Variants in EMC1 observed in about 807,000 individuals in gnomAD.
EMC1 encodes the protein KIAA0090.
A neutral mutation model predicts 128.8 loss-of-function variants in EMC1; 103 were observed. The observed-to-expected ratio is 0.80, with a 90% CI of 0.68 to 0.94. EMC1 has a LOEUF of 0.94. Ranked by LOEUF, EMC1 falls within the 40% of genes least tolerant of loss-of-function variation. The pLI is 0.00. For synonymous variants in EMC1, 442 were observed against 490.4 expected, an observed-to-expected ratio of 0.90 and a Z score of 1.30; for missense variants, 1,083 against 1,250.6, an observed-to-expected ratio of 0.87 and a Z score of 2.02.
At position 19,241,054 on chromosome 1, in the gene EMC1, C is replaced by A; in HGVS notation, c.598G>T (p.Val200Phe). Reference sequence around the variant, plus strand: ...TCTCCATCTTCCACATTAAACTTGACAATGTTCACATGGCTGAAGGGAACA... The same window carrying A: ...TCTCCATCTTCCACATTAAACTTGAAAATGTTCACATGGCTGAAGGGAACA... ...GVVPFSHVNI[V>F]KFNVEDGEIV... Residue 200 changes from valine (V) to phenylalanine (F), a missense_variant, in exon 6 of 23, where the codon GTC becomes TTC. Coordinates refer to ENST00000477853, the MANE Select transcript of EMC1 (RefSeq NM_015047.3). 1.2e-6 allele frequency: 2 copies of A among 1,614,202 alleles called. No individual in the cohort carries two copies.
At chr1:19,229,879 C>A (rs1227171862) in intron 17 of EMC1, among the ~76,000 whole-genome samples, 2 of 152,174 alleles carry the variant, frequency 1.3e-5, no homozygotes, top group African/African-American at 4.8e-5. Context: ...CCCAAGGTCA[C>A]AAAGTTAGTA....
chr1:19,224,090 C>G (rs2093452960), intron 18 of EMC1, among the ~76,000 whole-genome samples: 1 of 152,190 alleles, frequency 6.6e-6, no homozygotes, highest in African/African-American at 2.4e-5. Flanking sequence ...CCAGAACATC[C>G]CTGCCCAGCA....
At chr1:19,231,093 T>C (rs1485074918) in intron 16 of EMC1, 130 bp from the exon 17 acceptor site, 11 of 1,367,082 alleles carry the variant, frequency 8.0e-6, no homozygotes, top group Non-Finnish European at 4.0e-6. Context: ...GTTAAGAACC[T>C]GAGTTTTCAC....
At chr1:19,229,768 C>T (rs982146712) in intron 17 of EMC1, among the ~76,000 whole-genome samples, 2 of 152,178 alleles carry the variant, frequency 1.3e-5, no homozygotes, top group Non-Finnish European at 2.9e-5. Flanking sequence ...TTACCATGTG[C>T]CAGGCAGTTT....
At chr1:19,236,632 C>T (rs867560990) in intron 12 of EMC1, among the ~76,000 whole-genome samples, 2 of 132,446 alleles carry the variant, frequency 1.5e-5, no homozygotes, top group Admixed American at 1.7e-4. Flanking sequence ...CTCCAGCAGT[C>T]TGAGCAACAA....
Position 19,223,050 on chromosome 1 carries a change from A to T in EMC1, c.2377-216T>A. 1.0e-5 allele frequency: 6 copies of T among 574,898 alleles called. No homozygotes were observed. The South Asian group carries it at 1.4e-4, about 13-fold the overall frequency. The allele number at this position is 574,898 out of a possible 1,614,324, so 35.6% of individuals were successfully genotyped here. The stretch of plus-strand genomic sequence containing the variant: ...CACCACAAAACAAAGGAAATTCTCA[A>T]GAGTCTTAGAAGCCATAATAGTAGC... On this transcript the variant is annotated intron_variant, in intron 19 of 22. Transcript: ENST00000477853.
chr1:19,240,082 A>C, intron 7 of EMC1, 97 bp from the exon 8 acceptor site: 1 of 1,343,556 alleles, frequency 7.4e-7, no homozygotes, highest in Non-Finnish European at 1.0e-6. Context: ...CGGGGGAAGT[A>C]ACTGGGCCAT....
intron 17 of EMC1, among the ~76,000 whole-genome samples, chr1:19,230,430 C>T (rs1571995112): frequency 1.3e-5 from 2 of 152,130 alleles, no homozygotes; most frequent in Admixed American, 6.6e-5. Context: ...ATTAGCCGGG[C>T]GCGGTGGCGC....
chr1:19,235,084 C>T, intron 13 of EMC1, 46 bp downstream of exon 13: 1 of 1,600,262 alleles, frequency 6.2e-7, no homozygotes, highest in Non-Finnish European at 8.5e-7. Context: ...CATTTCCAGA[C>T]TGGCCCCTCC....
intron 21 of EMC1, 27 bp from the exon 22 acceptor site, chr1:19,219,725 G>T: frequency 6.2e-7 from 1 of 1,613,902 alleles, no homozygotes; most frequent in Non-Finnish European, 8.5e-7. Flanking sequence ...GGGACAGGCA[G>T]TCTGAGCACT....
intron 7 of EMC1, 28 bp from the exon 8 acceptor site, chr1:19,240,013 G>A: frequency 6.3e-7 from 1 of 1,595,612 alleles, no homozygotes; most frequent in South Asian, 1.1e-5. Flanking sequence ...GGAGGATTAT[G>A]GCTAACAGCT....
intron 19 of EMC1, 85 bp from the exon 20 acceptor site, chr1:19,222,919 T>C: frequency 1.0e-6 from 1 of 961,158 alleles, no homozygotes; most frequent in Non-Finnish European, 1.6e-6. Flanking sequence ...CCCCTCTAAT[T>C]AGCTACAGAT....
intron 11 of EMC1, 147 bp from the exon 12 acceptor site, chr1:19,237,385 G>A (rs1221465122): frequency 1.5e-6 from 1 of 684,700 alleles, no homozygotes; most frequent in Admixed American, 2.2e-5. Context: ...TTATCTGGAT[G>A]CCAGTAAGTG....
At position 19,240,409 on chromosome 1, in the gene EMC1, C is replaced by T; in HGVS notation, c.674G>A (p.Gly225Glu). 2 of 1,614,162 alleles carry T rather than the reference C, an allele frequency of 1.2e-6. No individual in the cohort carries two copies. The highest frequency in any genetic ancestry group is 2.2e-5 in the South Asian group (2 of 91,088). Residue 225 changes from glycine to glutamate, a missense_variant, in exon 7 of 23, where the codon GGA (glycine) becomes GAA (glutamate). By Grantham distance (98) the Gly-to-Glu change is moderately conservative. Transcript: ENST00000477853. ...AGCCTCATCCACCACACCACAGGCT[C>T]CAGACAGGTGCTGCAGCCACGGAGT... is the stretch of plus-strand genomic sequence containing the variant. ...VSTPWLQHLS[G>E]ACGVVDEAVL... is the part of the protein sequence containing the mutation.
Position 19,233,023 on chromosome 1 carries a change from C to G in EMC1, c.1545G>C (p.Gln515His). The G allele has an allele frequency of 1.9e-6, 3 of 1,614,202 alleles. No homozygotes were observed. Among genetic ancestry groups the G allele is most frequent in the Non-Finnish European group, 2.5e-6 (3 of 1,180,038 alleles). Reference sequence around the variant, plus strand: ...TGTCAATGTTGATCTCATTCTTAATCTGACTCCGGGGCTTCCGAGCATCAT... The same window carrying G: ...TGTCAATGTTGATCTCATTCTTAATGTGACTCCGGGGCTTCCGAGCATCAT... The part of the protein sequence containing the change: ...MFYDARKPRS[Q>H]IKNEINIDTL... Residue 515 changes from glutamine (Q) to histidine (H), a missense_variant, in exon 14 of 23, where the codon CAG (glutamine) becomes CAC (histidine). Physicochemically the swap from Gln to His is conservative, Grantham distance 24. Around this residue, in one of 3 missense-constraint regions of EMC1, gnomAD observed 527 missense variants for 644.1 expected, o/e 0.82. Transcript: ENST00000477853.
At chr1:19,227,017 ACT>A (rs2093479807) in intron 18 of EMC1, among the ~76,000 whole-genome samples, 1 of 152,044 alleles carries the variant, frequency 6.6e-6, no homozygotes, top group Middle Eastern at 3.4e-3. Context: ...ACAGAGCAAG[ACT>A]CTGTCACAGG....
intron 4 of EMC1, among the ~76,000 whole-genome samples, chr1:19,243,150 G>A (rs2093615924): frequency 6.6e-6 from 1 of 152,132 alleles, no homozygotes; most frequent in African/African-American, 2.4e-5. Context: ...CACGAGAACT[G>A]CTTGAACCTG....
At chr1:19,229,863 C>A (rs1207274974) in intron 17 of EMC1, among the ~76,000 whole-genome samples, 1 of 152,160 alleles carries the variant, frequency 6.6e-6, no homozygotes, top group East Asian at 1.9e-4. Context: ...AAACAGAAGA[C>A]CAGAGCCCAA....
At chr1:19,223,270 G>T (rs1225073995) in intron 19 of EMC1, 126 bp downstream of exon 19, 8 of 864,478 alleles carry the variant, frequency 9.3e-6, no homozygotes, top group Admixed American at 2.2e-5. Context: ...TAACCGGCAC[G>T]CTTTGCTGCC....
Sources: allele counts gnomAD v4.1 joint callset (sites outside exome capture counted in the v4.1 genomes callset), GRCh38; gene constraint gnomAD v4.1.1; regional missense constraint gnomAD v4.1.1; transcripts MANE v1.5; gene names NCBI Gene and HGNC (gene_info 2026-07-23, HGNC 2026-07-21).